Variants in GSE1 observed in about 807,000 individuals in gnomAD.
GSE1 encodes the protein Gse1 coiled-coil protein.
A neutral mutation model predicts 112.6 loss-of-function variants in GSE1; 32 were observed. That is an observed-to-expected ratio of 0.28 (90% confidence interval 0.21 to 0.38). GSE1 has a LOEUF of 0.38. Ranked by LOEUF, GSE1 falls within the 10% of genes least tolerant of loss-of-function variation. GSE1 has a pLI of 1.00. For missense variants in GSE1, 2,348 were observed against 1,699.2 expected, an observed-to-expected ratio of 1.38 and a Z score of -6.71; for synonymous variants, 1,115 against 735.6, an observed-to-expected ratio of 1.52 and a Z score of -8.35.
chr16:85,554,844 A>AGG, upstream of GSE1: 3 of 980,968 alleles, frequency 3.1e-6, no homozygotes, highest in Non-Finnish European at 3.6e-6. Flanking sequence ...GGGCAGCCGG[A>AGG]GGGGGGGCCA....
At chr16:85,232,604 C>T (rs1237586133) in intron 1 of GSE1, among the ~76,000 whole-genome samples, 3 of 152,244 alleles carry the variant, frequency 2.0e-5, no homozygotes, top group African/African-American at 7.2e-5. Context: ...GACCCAGCTC[C>T]TGTGTGAGGA....
chr16:85,336,422 G>A (rs933546187), intron 1 of GSE1, among the ~76,000 whole-genome samples: 2 of 152,182 alleles, frequency 1.3e-5, no homozygotes, highest in African/African-American at 2.4e-5. Flanking sequence ...CCGACCAGTC[G>A]GTGGCGTTCA....
At chr16:85,664,940 G>C (rs1049981760) in intron 11 of GSE1, 75 bp from the exon 12 acceptor site, 3 of 1,013,518 alleles carry the variant, frequency 3.0e-6, no homozygotes, top group Non-Finnish European at 4.7e-6. Context: ...CTCAAGGCTC[G>C]GCTAGAATCC....
rs114223336 is a variant in GSE1 at position 85,191,818 on chromosome 16, C to T, written c.2283+20011C>T. Among the ~76,000 whole-genome samples the T allele has an allele frequency of 2.6e-3, 395 of 152,264 alleles. 1 individual carries two copies. The highest frequency in any genetic ancestry group is 9.1e-3 in the African/African-American group (379 of 41,544). On this transcript the variant is annotated intron_variant, in intron 1 of 2. Coordinates refer to the GSE1 transcript ENST00000637419. ...CGTATGGGAGGTGATACTTGCAAGG[C>T]TTCTGGCTAGAAGATTTCCCTGACA... is the stretch of plus-strand genomic sequence containing the variant.
At chr16:85,243,557 A>G (rs1162942234) in intron 1 of GSE1, among the ~76,000 whole-genome samples, 2 of 152,240 alleles carry the variant, frequency 1.3e-5, no homozygotes, top group Non-Finnish European at 2.9e-5. Context: ...GGGCTGGGAA[A>G]TAAACCACAG....
At chr16:85,616,099 C>T (rs1469830939) in intron 1 of GSE1, among the ~76,000 whole-genome samples, 1 of 152,256 alleles carries the variant, frequency 6.6e-6, no homozygotes, top group Non-Finnish European at 1.5e-5. Context: ...TCGCCGGCCC[C>T]AGGAAGAGCC....
chr16:85,601,556 G>A (rs547735378), intron 1 of GSE1, among the ~76,000 whole-genome samples: 1 of 152,122 alleles, frequency 6.6e-6, no homozygotes, highest in African/African-American at 2.4e-5. Context: ...CTGCCTCCAC[G>A]CTCACCTTCA....
intron 1 of GSE1, among the ~76,000 whole-genome samples, chr16:85,343,746 C>A (rs1597444370): frequency 1.3e-5 from 2 of 152,164 alleles, no homozygotes; most frequent in African/African-American, 4.8e-5. Context: ...GAGATCCTGA[C>A]TCAAAAAAAG....
intron 1 of GSE1, among the ~76,000 whole-genome samples, chr16:85,561,616 G>T (rs1306020618): frequency 6.6e-6 from 1 of 152,244 alleles, no homozygotes; most frequent in Non-Finnish European, 1.5e-5. Flanking sequence ...TTGGCCCATA[G>T]CCATGAAGCC....
chr16:85,203,813 C>T (rs1209067526), intron 1 of GSE1, among the ~76,000 whole-genome samples: 1 of 152,218 alleles, frequency 6.6e-6, no homozygotes, highest in East Asian at 1.9e-4. Flanking sequence ...TCTCAGCTCA[C>T]TGTAGCCTCA....
chr16:85,561,588 C>T (rs1376284071), intron 1 of GSE1, among the ~76,000 whole-genome samples: 1 of 152,218 alleles, frequency 6.6e-6, no homozygotes, highest in African/African-American at 2.4e-5. Context: ...GAAACTGAGG[C>T]CCAGAGAGAG....
intron 2 of GSE1, among the ~76,000 whole-genome samples, chr16:85,485,513 C>A (rs1367410336): frequency 6.6e-6 from 1 of 152,252 alleles, no homozygotes; most frequent in Non-Finnish European, 1.5e-5. Flanking sequence ...GCGCCTGCCG[C>A]CTGCCGTTCT....
At chr16:85,626,413 T>TG (rs2049072221) in intron 1 of GSE1, among the ~76,000 whole-genome samples, 1 of 152,222 alleles carries the variant, frequency 6.6e-6, no homozygotes, top group African/African-American at 2.4e-5. Flanking sequence ...TTCGCCCCTT[T>TG]GGGGGAGTGG....
intron 2 of GSE1, among the ~76,000 whole-genome samples, chr16:85,361,751 C>A (rs958601460): frequency 6.6e-6 from 1 of 152,224 alleles, no homozygotes; most frequent in Admixed American, 6.5e-5. Context: ...CAGAGTCCCC[C>A]AGGGAAACAC....
At chr16:85,417,492 G>A (rs563500497) in intron 2 of GSE1, among the ~76,000 whole-genome samples, 1 of 152,304 alleles carries the variant, frequency 6.6e-6, no homozygotes, top group East Asian at 1.9e-4. Flanking sequence ...CTAAGTGCCT[G>A]TGGTTTTAGA....
chr16:85,651,514 G>A (rs733324), intron 3 of GSE1, among the ~76,000 whole-genome samples: 27,601 of 152,200 alleles, frequency 0.18, 3,100 homozygotes, highest in Middle Eastern at 0.26. Context: ...TTCAAGGGCC[G>A]TGTCTGGGCT....
At chr16:85,617,164 C>T (rs2048422466) in intron 1 of GSE1, among the ~76,000 whole-genome samples, 1 of 152,230 alleles carries the variant, frequency 6.6e-6, no homozygotes, top group Non-Finnish European at 1.5e-5. Context: ...AGTCCACCTG[C>T]CCCTCCTAAC....
At chr16:85,399,389 G>C (rs889090199) in intron 2 of GSE1, among the ~76,000 whole-genome samples, 2 of 152,168 alleles carry the variant, frequency 1.3e-5, no homozygotes, top group Non-Finnish European at 2.9e-5. Context: ...CCTTCAGAGT[G>C]TCTAATTGTG....
chr16:85,517,379 G>C (rs1302309259), intron 2 of GSE1, among the ~76,000 whole-genome samples: 2 of 152,204 alleles, frequency 1.3e-5, no homozygotes, highest in African/African-American at 4.8e-5. Context: ...CAATAGAGCT[G>C]CCAGTGACCA....
Sources: gnomAD v4.1 joint callset for allele counts (sites outside exome capture counted in the v4.1 genomes callset) on GRCh38, gnomAD v4.1.1 for gene constraint, MANE v1.5 for transcripts, NCBI Gene and HGNC (gene_info 2026-07-23, HGNC 2026-07-21) for gene names.